The following EPB41L4B variants were observed in gnomAD, a reference collection of about 807,000 sequenced individuals.
The protein encoded by EPB41L4B is band 4.1-like protein 4B.
A neutral mutation model predicts 112.5 loss-of-function variants in EPB41L4B; 30 were observed. The observed-to-expected ratio is 0.27, with a 90% confidence interval of 0.20 to 0.36. The LOEUF is 0.36. Ranked by LOEUF, EPB41L4B falls within the 10% of genes least tolerant of loss-of-function variation. The pLI, the probability that EPB41L4B is intolerant of heterozygous loss-of-function variation, is 1.00. For synonymous variants in EPB41L4B, 408 were observed against 439.7 expected, an observed-to-expected ratio of 0.93 and a Z score of 0.90; for missense variants, 1,024 against 1,133.3, an observed-to-expected ratio of 0.90 and a Z score of 1.38.
chr9:109,308,089 G>C (rs1167631938), intron 1 of EPB41L4B, among the ~76,000 whole-genome samples: 1 of 152,082 alleles, frequency 6.6e-6, no homozygotes, highest in East Asian at 1.9e-4. Context: ...CCCACACTCG[G>C]CCCAATTCCC....
At chr9:109,312,554 C>T (rs942788211) in intron 1 of EPB41L4B, among the ~76,000 whole-genome samples, 11 of 152,150 alleles carry the variant, frequency 7.2e-5, no homozygotes, top group Non-Finnish European at 1.3e-4. Flanking sequence ...CTTCCCAGAC[C>T]ACAAATCAAG....
At chr9:109,290,756 T>TCACACA (rs138900441) in intron 1 of EPB41L4B, among the ~76,000 whole-genome samples, 9 of 141,436 alleles carry the variant, frequency 6.4e-5, no homozygotes, top group African/African-American at 1.8e-4. Flanking sequence ...TATATATACC[T>TCACACA]CACACACACA....
At chr9:109,274,046 T>A (rs921400117) in intron 2 of EPB41L4B, among the ~76,000 whole-genome samples, 3 of 152,090 alleles carry the variant, frequency 2.0e-5, no homozygotes, top group Non-Finnish European at 4.4e-5. Context: ...AGGCGCCATA[T>A]CTATGTACCA....
intron 14 of EPB41L4B, 77 bp from the exon 15 acceptor site, chr9:109,243,759 G>T: frequency 6.9e-7 from 1 of 1,444,358 alleles, no homozygotes. Context: ...GTCTGTTCCT[G>T]GCATCCACCC....
At chr9:109,176,496 T>C in intron 25 of EPB41L4B, 55 bp downstream of exon 25, 1 of 1,541,906 alleles carries the variant, frequency 6.5e-7, no homozygotes, top group Non-Finnish European at 8.7e-7. Flanking sequence ...ACCTAGAGTC[T>C]CCCTGGTTTC....
chr9:109,274,912 G>A (rs546174115), intron 2 of EPB41L4B, among the ~76,000 whole-genome samples: 5 of 152,190 alleles, frequency 3.3e-5, no homozygotes, highest in Admixed American at 6.5e-5. Context: ...GCGAGAACTG[G>A]GTAAACAGCA....
intron 17 of EPB41L4B, among the ~76,000 whole-genome samples, chr9:109,209,842 T>C (rs1221698126): frequency 6.6e-6 from 1 of 152,018 alleles, no homozygotes; most frequent in Non-Finnish European, 1.5e-5. Context: ...ACAAAGCAGA[T>C]AGATGGTAAG....
rs1032354231 is a variant in EPB41L4B, at chr9:109,299,993, T to A, written c.307-20072A>T. ...GAACAGAAATAACACCCAAGTGGATTCACCACAGTGAAGAAAGGCTTCCGA... is the reference window on the plus strand; with the variant it reads ...GAACAGAAATAACACCCAAGTGGATACACCACAGTGAAGAAAGGCTTCCGA... On this transcript the variant is annotated intron_variant, in intron 1 of 25. Coordinates refer to ENST00000374566, the MANE Select transcript of EPB41L4B (RefSeq NM_019114.5). 2.6e-5 allele frequency among the ~76,000 whole-genome samples: 4 copies of A among 152,286 alleles called. No individual in the cohort carries two copies. In the East Asian group the frequency reaches 7.7e-4, roughly 29 times the overall value.
At chr9:109,214,256 A>G (rs1833286277) in intron 16 of EPB41L4B, among the ~76,000 whole-genome samples, 2 of 152,178 alleles carry the variant, frequency 1.3e-5, no homozygotes, top group Admixed American at 6.5e-5. Flanking sequence ...AATCAAATCC[A>G]TTGATTTTTA....
At chr9:109,226,636 T>TATATATATATATATATATATGAAGA (rs1833771910) in intron 15 of EPB41L4B, among the ~76,000 whole-genome samples, 1 of 117,430 alleles carries the variant, frequency 8.5e-6, no homozygotes, top group African/African-American at 3.5e-5. Context: ...ATATGAAGAA[T>TATATATATATATATATATATGAAGA]ATATATATAT....
At chr9:109,258,687 G>T (rs1455245054) in intron 6 of EPB41L4B, among the ~76,000 whole-genome samples, 2 of 152,170 alleles carry the variant, frequency 1.3e-5, no homozygotes, top group Non-Finnish European at 2.9e-5. Flanking sequence ...TTAAGAGTAG[G>T]TCAGAGCAGC....
rs563680101 is a variant in EPB41L4B at position 109,201,449 on chromosome 9, C to CAAA, written c.1947-1118_1947-1116dup. On this transcript the variant is annotated intron_variant, in intron 19 of 25. Coordinates refer to ENST00000374566, the MANE Select transcript of EPB41L4B (RefSeq NM_019114.5). ...TGGGTGCTGGAGTGAGACCCTGTCT[C>CAAA]AAAAAAAAAAAAAAAAGAAAAAAAA... is the stretch of plus-strand genomic sequence containing the variant. Among the ~76,000 whole-genome samples, 395 of 59,402 alleles carry CAAA rather than the reference C, an allele frequency of 6.6e-3. 3 individuals are homozygous for CAAA. The highest frequency in any genetic ancestry group is 0.035 in the South Asian group (66 of 1,882). The allele number at this position is 59,402 out of a possible 152,430, so 39.0% of individuals were successfully genotyped here. A position where few individuals can be genotyped will look rare whatever the true frequency, so the allele number is the denominator to read the frequency against.
intron 14 of EPB41L4B, among the ~76,000 whole-genome samples, chr9:109,246,417 C>T (rs1834560812): frequency 6.6e-6 from 1 of 152,144 alleles, no homozygotes; most frequent in Non-Finnish European, 1.5e-5. Context: ...GCCTTGGCTT[C>T]CCAACGTGCT....
chr9:109,291,972 T>C (rs561164659), intron 1 of EPB41L4B, among the ~76,000 whole-genome samples: 1 of 152,336 alleles, frequency 6.6e-6, no homozygotes, highest in East Asian at 1.9e-4. Flanking sequence ...CCTTAGGCCA[T>C]GCTGTATTTA....
In EPB41L4B at chr9:109,192,329, A is replaced by G; in HGVS notation, c.2250T>C (p.Phe750=). 1 of 1,612,444 alleles carries G rather than the reference A, an allele frequency of 6.2e-7. No homozygotes were observed. Among genetic ancestry groups the G allele is most frequent in the Non-Finnish European group, 8.5e-7 (1 of 1,179,206 alleles). The change falls in exon 22 of 26, where the codon TTT becomes TTC. Residue 750 remains phenylalanine (F), a synonymous_variant. Transcript: ENST00000374566. ...TCAGAAGATCACCCGGCTCCAGGGT[A>G]AAGGCACCTCCTCGGTCAGAGGGGC... The part of the protein sequence containing the change: ...AKSPSDRGGA[F]TLEPGDLLMD...
At chr9:109,177,750 G>A (rs1196816009) in intron 24 of EPB41L4B, among the ~76,000 whole-genome samples, 1 of 151,888 alleles carries the variant, frequency 6.6e-6, no homozygotes, top group Non-Finnish European at 1.5e-5. Flanking sequence ...TTGAACCTGG[G>A]GGCGGAGTTT....
chr9:109,224,018 C>T (rs1283392360), intron 15 of EPB41L4B, among the ~76,000 whole-genome samples: 5 of 150,764 alleles, frequency 3.3e-5, no homozygotes, highest in Non-Finnish European at 7.4e-5. Context: ...GCCTTTATCT[C>T]AAAAATAAAA....
At chr9:109,255,896 A>C in intron 9 of EPB41L4B, 53 bp from the exon 10 acceptor site, 2 of 1,488,812 alleles carry the variant, frequency 1.3e-6, no homozygotes, top group East Asian at 2.3e-5. Context: ...AACTATCTAC[A>C]CATCAAATAG....
At chr9:109,270,526 G>C (rs948022000) in intron 2 of EPB41L4B, among the ~76,000 whole-genome samples, 2 of 152,234 alleles carry the variant, frequency 1.3e-5, no homozygotes, top group African/African-American at 4.8e-5. Context: ...GGCCCCTGGA[G>C]GGGGCTGATA....
Sources: allele counts gnomAD v4.1 joint callset (sites outside exome capture counted in the v4.1 genomes callset), GRCh38; gene constraint gnomAD v4.1.1; transcripts MANE v1.5; gene names NCBI Gene and HGNC (gene_info 2026-07-23, HGNC 2026-07-21).